RPS6KA5: variants seen among roughly 807,000 people sequenced by gnomAD.
RPS6KA5 encodes the protein ribosomal protein S6 kinase A5, also known as ribosomal protein S6 kinase alpha-5.
RPS6KA5 carries 27 observed loss-of-function variants against 85.5 expected under a neutral mutation model. That is an observed-to-expected ratio of 0.32 (90% CI 0.23 to 0.44). The LOEUF (loss-of-function observed/expected upper bound fraction) is 0.44, where lower values mean the gene tolerates loss of function less well. Among genes scored for constraint, RPS6KA5 ranks in the 20% least tolerant of loss-of-function variants. The pLI, the probability that RPS6KA5 is intolerant of heterozygous loss-of-function variation, is 1.00. For synonymous variants in RPS6KA5, 334 were observed against 348.2 expected (o/e 0.96, Z 0.46); for missense variants, 811 against 980.9 (o/e 0.83, Z 2.31).
intron 14 of RPS6KA5, among the ~76,000 whole-genome samples, 184 bp from the exon 15 acceptor site, chr14:90,875,544 A>G (rs535968696): frequency 6.6e-6 from 1 of 152,284 alleles, no homozygotes; most frequent in East Asian, 1.9e-4. Flanking sequence ...CAGCCATCCC[A>G]TCACTGGGTA....
At chr14:90,875,400 A>G (rs752202471) in intron 14 of RPS6KA5, 40 bp from the exon 15 acceptor site, 1 of 1,581,380 alleles carries the variant, frequency 6.3e-7, no homozygotes, top group Middle Eastern at 1.7e-4. Flanking sequence ...GACTACCCAG[A>G]TCTGTTAAAG....
chr14:90,962,026 A>G (rs1206324513), intron 3 of RPS6KA5, among the ~76,000 whole-genome samples: 3 of 152,206 alleles, frequency 2.0e-5, no homozygotes, highest in African/African-American at 7.2e-5. Context: ...TGTTAGAAAT[A>G]ATACATATAA....
chr14:90,898,122 G>T (rs1238452894), intron 12 of RPS6KA5, among the ~76,000 whole-genome samples: 1 of 152,136 alleles, frequency 6.6e-6, no homozygotes. Context: ...GTAGTTTAAA[G>T]TAAATAAAAG....
intron 2 of RPS6KA5, among the ~76,000 whole-genome samples, chr14:90,989,421 A>G (rs1025947399): frequency 6.6e-5 from 10 of 152,154 alleles, no homozygotes; most frequent in African/African-American, 2.4e-4. Flanking sequence ...ACATGGCAAA[A>G]TTTTTCTTTT....
intron 2 of RPS6KA5, among the ~76,000 whole-genome samples, chr14:90,988,639 G>T (rs766457823): frequency 1.3e-5 from 2 of 151,898 alleles, no homozygotes; most frequent in East Asian, 1.9e-4. Context: ...TTGGTGAAAC[G>T]CCGTCTCTAC....
chr14:90,998,186 G>T (rs539148920), intron 2 of RPS6KA5, among the ~76,000 whole-genome samples: 1 of 152,114 alleles, frequency 6.6e-6, no homozygotes, highest in Admixed American at 6.6e-5. Context: ...TCAGTTAGTG[G>T]TTGTTTAGGA....
At chr14:90,992,609 C>T (rs1378197137) in intron 2 of RPS6KA5, among the ~76,000 whole-genome samples, 1 of 152,130 alleles carries the variant, frequency 6.6e-6, no homozygotes, top group Non-Finnish European at 1.5e-5. Context: ...TTTTTGGAAT[C>T]AAGGTTACAC....
intron 2 of RPS6KA5, among the ~76,000 whole-genome samples, chr14:90,994,600 C>A (rs2040439915): frequency 9.8e-6 from 1 of 101,794 alleles, no homozygotes; most frequent in East Asian, 3.4e-4. Context: ...GAGACTGAGT[C>A]TCACTCTGTC....
intron 8 of RPS6KA5, among the ~76,000 whole-genome samples, chr14:90,904,009 C>G (rs145742878): frequency 6.6e-6 from 1 of 151,218 alleles, no homozygotes; most frequent in Non-Finnish European, 1.5e-5. Context: ...GGCAGTGGCG[C>G]GATCTCGGCT....
chr14:90,894,682 A>G, intron 12 of RPS6KA5, 99 bp from the exon 13 acceptor site: 1 of 1,321,688 alleles, frequency 7.6e-7, no homozygotes. Context: ...ATACGTTTAA[A>G]TAATCCCCTG....
Position 90,872,459 on chromosome 14 carries a change from A to C in RPS6KA5, c.2161-137T>G, listed in dbSNP as rs1391211655. 3.6e-6 allele frequency: 4 copies of C among 1,109,580 alleles called. No homozygotes were observed. In the African/African-American group the frequency reaches 4.8e-5, roughly 13 times the overall value. 68.7% of individuals were successfully genotyped at this position (1,109,580 alleles called of 1,614,324 possible). A position where few individuals can be genotyped will look rare whatever the true frequency, so the allele number is the denominator to read the frequency against. ...TGTTTTAAGGGAACAAAGCTCTTAA[A>C]ACCTTTATATCTAAGTCTATTGGCA... On this transcript the variant is annotated intron_variant, in intron 16 of 16. Transcript: ENST00000614987.
chr14:91,044,262 GGAGAGAGAGAGAAAGAAAGA>G (rs778509971), intron 1 of RPS6KA5, among the ~76,000 whole-genome samples: 10 of 133,618 alleles, frequency 7.5e-5, no homozygotes, highest in African/African-American at 1.4e-4. Context: ...AGAGAGAGAG[GGAGAGAGAGAGAAAGAAAGA>G]GAGAGAGAGA....
intron 9 of RPS6KA5, among the ~76,000 whole-genome samples, chr14:90,902,151 C>T (rs1259916970): frequency 6.6e-6 from 1 of 150,760 alleles, no homozygotes; most frequent in African/African-American, 2.4e-5. Context: ...CACTGCACTC[C>T]AGCCTGGGTG....
At position 90,983,787 on chromosome 14, in the gene RPS6KA5, TTCTCTCTCTCTC is replaced by T. The variant is rs770148887; in HGVS notation, c.176-5275_176-5264del. ...TTCTTTCTTTCCTTTCTTTCTTTCT[TTCTCTCTCTCTC>T]TCTCTCTCTCTCTCTCTGTCTCTCT... On this transcript the variant is annotated intron_variant, in intron 2 of 16. Coordinates refer to ENST00000614987, the MANE Select transcript of RPS6KA5 (RefSeq NM_004755.4). 2.9e-4 allele frequency among the ~76,000 whole-genome samples: 37 copies of T among 129,334 alleles called. 1 individual carries two copies. Among genetic ancestry groups the T allele is most frequent in the East Asian group, 1.7e-3 (7 of 4,092 alleles). The allele number at this position is 129,334 out of a possible 152,430, so 84.8% of individuals were successfully genotyped here. A position where few individuals can be genotyped will look rare whatever the true frequency, so the allele number is the denominator to read the frequency against.
At chr14:91,015,976 C>T (rs1257506163) in intron 1 of RPS6KA5, among the ~76,000 whole-genome samples, 2 of 152,174 alleles carry the variant, frequency 1.3e-5, no homozygotes, top group Non-Finnish European at 2.9e-5. Flanking sequence ...TGCCCTCCAA[C>T]CCCAATTCTG....
chr14:90,953,933 C>G (rs185173510), intron 3 of RPS6KA5, among the ~76,000 whole-genome samples: 1 of 152,320 alleles, frequency 6.6e-6, no homozygotes, highest in East Asian at 1.9e-4. Flanking sequence ...TGTCCTGTTT[C>G]CTCAAAAGCA....
chr14:90,967,883 G>A (rs990855906), intron 3 of RPS6KA5, among the ~76,000 whole-genome samples: 14 of 152,128 alleles, frequency 9.2e-5, no homozygotes, highest in East Asian at 1.9e-4. Flanking sequence ...TAAATCCCAC[G>A]TGTCCCATCT....
intron 1 of RPS6KA5, among the ~76,000 whole-genome samples, chr14:91,044,262 G>A (rs1029310306): frequency 7.5e-6 from 1 of 133,510 alleles, no homozygotes; most frequent in Non-Finnish European, 1.6e-5. Flanking sequence ...AGAGAGAGAG[G>A]GAGAGAGAGA....
chr14:90,872,009 G>T lies in RPS6KA5; in HGVS notation c.*65C>A. The T allele has an allele frequency of 6.6e-7, 1 of 1,522,176 alleles. No homozygotes were observed. Among genetic ancestry groups the T allele is most frequent in the Non-Finnish European group, 8.8e-7 (1 of 1,135,292 alleles). The allele number at this position is 1,522,176 out of a possible 1,614,324, so 94.3% of individuals were successfully genotyped here. On this transcript the variant is annotated 3_prime_UTR_variant, in exon 17 of 17. Coordinates refer to ENST00000614987, the MANE Select transcript of RPS6KA5 (RefSeq NM_004755.4). Reference sequence around the variant, plus strand: ...GGGAAACATTTTTAAAAGCATAAAAGATCGCCTCAGGCATATGCTGAGGGA... The same window carrying T: ...GGGAAACATTTTTAAAAGCATAAAATATCGCCTCAGGCATATGCTGAGGGA...
Sources: allele counts gnomAD v4.1 joint callset (sites outside exome capture counted in the v4.1 genomes callset), GRCh38; gene constraint gnomAD v4.1.1; transcripts MANE v1.5; gene names NCBI Gene and HGNC (gene_info 2026-07-23, HGNC 2026-07-21).